The following TXNDC5 variants were observed in gnomAD, a reference collection of about 807,000 sequenced individuals.
The protein encoded by TXNDC5 is thioredoxin domain containing 5, also known as thioredoxin domain-containing protein 5.
A neutral mutation model predicts 52.6 loss-of-function variants in TXNDC5; 44 were observed. The ratio of observed to expected loss-of-function variants is 0.84; its 90% confidence interval spans 0.66 to 1.08. The LOEUF (loss-of-function observed/expected upper bound fraction) is 1.08, where lower values mean the gene tolerates loss of function less well. TXNDC5 is among the 50% of genes least tolerant of loss of function. TXNDC5 has a pLI of 0.00. For synonymous variants in TXNDC5, 241 were observed against 234.4 expected (o/e 1.03, Z -0.26); for missense variants, 600 against 565.5 (o/e 1.06, Z -0.62).
chr6:7,902,136 C>G (rs137897840), intron 2 of TXNDC5, among the ~76,000 whole-genome samples: 1 of 152,112 alleles, frequency 6.6e-6, no homozygotes, highest in Non-Finnish European at 1.5e-5. Flanking sequence ...GGAGCCAGGA[C>G]GAGGCAAGGG....
intron 1 of TXNDC5, among the ~76,000 whole-genome samples, chr6:7,906,996 T>C (rs1047809778): frequency 2.0e-5 from 3 of 152,136 alleles, no homozygotes; most frequent in Admixed American, 2.0e-4. Flanking sequence ...ACGCTGGCAG[T>C]GGGGACTGAC....
At chr6:7,886,643 G>A (rs1759993780) in intron 7 of TXNDC5, among the ~76,000 whole-genome samples, 2 of 152,202 alleles carry the variant, frequency 1.3e-5, no homozygotes, top group African/African-American at 2.4e-5. Flanking sequence ...TGGAAGCTCT[G>A]GCTGGAGAAT....
In TXNDC5 at chr6:7,884,469, G is replaced by A. The variant is rs1172993138; in HGVS notation, c.1066C>T (p.Leu356=). 1 of 1,613,978 alleles carries A rather than the reference G, an allele frequency of 6.2e-7. No homozygotes were observed. The highest frequency in any genetic ancestry group is 1.3e-5 in the African/African-American group (1 of 74,916). Residue 356 remains leucine, a synonymous_variant, in exon 9 of 10, where the codon CTG becomes TTG. Coordinates refer to ENST00000379757, the MANE Select transcript of TXNDC5 (RefSeq NM_030810.5). ...GAGAGTTCCTCCCAAGTAGGAGCCA[G>A]AGTCTTACAATGACCACACCTAAGA... ...YAPWCGHCKT[L]APTWEELSKK...
chr6:7,886,691 C>T (rs1219151780), intron 7 of TXNDC5, among the ~76,000 whole-genome samples: 1 of 152,184 alleles, frequency 6.6e-6, no homozygotes, highest in Non-Finnish European at 1.5e-5. Context: ...TGCTTTAAAG[C>T]CATTCTCCCT....
At position 7,889,495 on chromosome 6, in the gene TXNDC5, C is replaced by T. The variant is rs1354261999; in HGVS notation, c.819G>A (p.Lys273=). The T allele has an allele frequency of 6.2e-7, 1 of 1,612,944 alleles. No homozygotes were observed. The highest frequency in any genetic ancestry group is 8.5e-7 in the Non-Finnish European group (1 of 1,179,176). The change falls in exon 6 of 10, where the codon AAG becomes AAA. Residue 273 remains lysine, a splice_region_variant and synonymous_variant. Coordinates refer to ENST00000379757, the MANE Select transcript of TXNDC5 (RefSeq NM_030810.5). ...PTLLWFRDGK[K]VDQYKGKRDL... ...TCAGTACTAAGAAGTGCAGACGTAC[C>T]TTTTTCCCATCTCGGAACCAGAGAA...
chr6:7,891,849 G>A lies in TXNDC5; in HGVS notation c.617-113C>T, dbSNP rs541369966. 4.1e-4 allele frequency: 290 copies of A among 711,172 alleles called. 3 individuals carry two copies. The highest frequency in any genetic ancestry group is 3.8e-3 in the Middle Eastern group (15 of 3,912). 44.1% of individuals were successfully genotyped at this position (711,172 alleles called of 1,614,324 possible). On this transcript the variant is annotated intron_variant, in intron 4 of 9. Transcript: ENST00000379757. ...TCTTTGTCCTGCTTAGCAAATCTTA[G>A]TTCGGCATGAGCACTTTAATTGGTA... is the stretch of plus-strand genomic sequence containing the variant.
intron 7 of TXNDC5, 44 bp from the exon 8 acceptor site, chr6:7,886,087 G>A: frequency 1.3e-6 from 2 of 1,560,952 alleles, no homozygotes; most frequent in Non-Finnish European, 1.8e-6. Flanking sequence ...ATCCCTTAAA[G>A]TTGAGCAGGG....
intron 7 of TXNDC5, among the ~76,000 whole-genome samples, chr6:7,887,737 A>G (rs1370107081): frequency 1.3e-5 from 2 of 151,936 alleles, no homozygotes; most frequent in African/African-American, 4.8e-5. Flanking sequence ...CTGCCCACAG[A>G]CTCTCAACTC....
At chr6:7,906,999 GGACT>G (rs940440555) in intron 1 of TXNDC5, among the ~76,000 whole-genome samples, 2 of 152,128 alleles carry the variant, frequency 1.3e-5, no homozygotes, top group Admixed American at 6.6e-5. Flanking sequence ...CTGGCAGTGG[GGACT>G]GACTGACTGA....
chr6:7,884,609 T>A (rs1373872103), intron 8 of TXNDC5, 121 bp from the exon 9 acceptor site: 58 of 1,383,448 alleles, frequency 4.2e-5, no homozygotes, highest in Non-Finnish European at 4.8e-5. Flanking sequence ...CCTAGAAATT[T>A]GTAAAATACC....
At chr6:7,884,285 G>GTGGT in intron 9 of TXNDC5, 74 bp downstream of exon 9, 1 of 1,582,384 alleles carries the variant, frequency 6.3e-7, no homozygotes, top group Non-Finnish European at 8.6e-7. Context: ...GTGAGTTATC[G>GTGGT]TGGTTGAGGC....
intron 3 of TXNDC5, among the ~76,000 whole-genome samples, chr6:7,897,987 T>C (rs1027028282): frequency 3.0e-4 from 45 of 152,290 alleles, no homozygotes; most frequent in African/African-American, 1.1e-3. Context: ...GTGGTTCTTT[T>C]AGCTAAAGTT....
chr6:7,898,990 A>C (rs910331573), intron 3 of TXNDC5, among the ~76,000 whole-genome samples: 1 of 152,078 alleles, frequency 6.6e-6, no homozygotes, highest in African/African-American at 2.4e-5. Flanking sequence ...AAGAAAAGGA[A>C]GGATCCACCC....
At chr6:7,895,012 T>C in intron 4 of TXNDC5, 94 bp downstream of exon 4, 1 of 1,488,132 alleles carries the variant, frequency 6.7e-7, no homozygotes, top group Non-Finnish European at 9.0e-7. Context: ...CTGATGCTGC[T>C]ATCTAAGAGC....
chr6:7,888,656 C>T (rs564676046), intron 7 of TXNDC5, 49 bp downstream of exon 7: 51 of 1,519,950 alleles, frequency 3.4e-5, no homozygotes, highest in South Asian at 3.3e-4. Flanking sequence ...GGTGGGGGGC[C>T]GGGGGCCACG....
intron 3 of TXNDC5, among the ~76,000 whole-genome samples, chr6:7,896,832 G>A (rs538939302): frequency 2.0e-5 from 3 of 152,310 alleles, no homozygotes; most frequent in Non-Finnish European, 2.9e-5. Flanking sequence ...CCCCGGCATG[G>A]GAACACCACA....
At chr6:7,898,187 A>G (rs1250371821) in intron 3 of TXNDC5, among the ~76,000 whole-genome samples, 1 of 152,108 alleles carries the variant, frequency 6.6e-6, no homozygotes, top group Non-Finnish European at 1.5e-5. Context: ...CAGCCTCCCA[A>G]GTAGCTGGGA....
chr6:7,884,406 C>G lies in TXNDC5; in HGVS notation c.1129G>C (p.Ala377Pro). The G allele has an allele frequency of 2.5e-6, 4 of 1,614,146 alleles. No individual in the cohort carries two copies. Among genetic ancestry groups the G allele is most frequent in the Non-Finnish European group, 3.4e-6 (4 of 1,180,016 alleles). Residue 377 changes from alanine to proline, a missense_variant, in exon 9 of 10, where the codon GCC (alanine) becomes CCC (proline). Physicochemically the swap from Ala to Pro is conservative, Grantham distance 27 (BLOSUM62 -1). Transcript: ENST00000379757. ...CGTTCAGCAGTGCAGTCTACTTCGG[C>G]GATCTTGACCCCCGCCAGACCAGGG... ...EFPGLAGVKI[A>P]EVDCTAERNI... is the part of the protein sequence containing the mutation.
Position 7,888,861 on chromosome 6 carries a change from C to G in TXNDC5, c.820-13G>C. Reference sequence around the variant, plus strand: ...TGTACTGATCCACCTGGCCAAGACACGGGCACGCGGCTGAGTGAGTCCACT... The same window carrying G: ...TGTACTGATCCACCTGGCCAAGACAGGGGCACGCGGCTGAGTGAGTCCACT... On this transcript the variant is annotated splice_polypyrimidine_tract_variant and intron_variant, in intron 6 of 9. Coordinates refer to ENST00000379757, the MANE Select transcript of TXNDC5 (RefSeq NM_030810.5). 1.4e-5 allele frequency: 22 copies of G among 1,595,560 alleles called. No homozygotes were observed. Among genetic ancestry groups the G allele is most frequent in the Non-Finnish European group, 1.8e-5 (21 of 1,170,484 alleles).
Sources: allele counts gnomAD v4.1 joint callset (sites outside exome capture counted in the v4.1 genomes callset), GRCh38; gene constraint gnomAD v4.1.1; transcripts MANE v1.5; gene names NCBI Gene and HGNC (gene_info 2026-07-23, HGNC 2026-07-21).